Variants in RBBP4 observed in about 807,000 individuals in gnomAD.
RBBP4 encodes histone-binding protein RBBP4.
A neutral mutation model predicts 57.2 loss-of-function variants in RBBP4; 3 were observed. The observed-to-expected ratio is 0.05, with a 90% CI of 0.02 to 0.14. The LOEUF is 0.14. RBBP4 is among the 10% of genes least tolerant of loss of function. The pLI, the probability that RBBP4 is intolerant of heterozygous loss-of-function variation, is 1.00. For missense variants in RBBP4, 107 were observed against 520.6 expected, an observed-to-expected ratio of 0.21 and a Z score of 7.73; for synonymous variants, 151 against 171.5, an observed-to-expected ratio of 0.88 and a Z score of 0.93.
intron 3 of RBBP4, among the ~76,000 whole-genome samples, chr1:32,662,981 T>A (rs920113330): frequency 2.0e-5 from 3 of 151,860 alleles, no homozygotes; most frequent in Non-Finnish European, 4.4e-5. Context: ...GCAAGACTCG[T>A]CTCAAAAAAA....
intron 3 of RBBP4, among the ~76,000 whole-genome samples, chr1:32,661,585 G>C (rs377484282): frequency 7.9e-5 from 12 of 151,900 alleles, no homozygotes; most frequent in African/African-American, 2.4e-4. Flanking sequence ...TGACCACCAT[G>C]CCTGGCCCTG....
At chr1:32,679,536 C>A in intron 11 of RBBP4, 104 bp from the exon 12 acceptor site, 1 of 1,032,074 alleles carries the variant, frequency 9.7e-7, no homozygotes, top group Non-Finnish European at 1.4e-6. Flanking sequence ...GGCCCAAAAG[C>A]TATAAAGTAT....
chr1:32,668,614 A>G (rs1557857489), intron 4 of RBBP4, 125 bp from the exon 5 acceptor site: 1 of 865,764 alleles, frequency 1.2e-6, no homozygotes, highest in Non-Finnish European at 1.8e-6. Context: ...CTATTTGATC[A>G]TAACGGTTCC....
At chr1:32,662,026 C>T (rs1325944834) in intron 3 of RBBP4, among the ~76,000 whole-genome samples, 2 of 150,838 alleles carry the variant, frequency 1.3e-5, no homozygotes, top group African/African-American at 4.9e-5. Flanking sequence ...GCTGGGACTA[C>T]AGGTCTGTGC....
intron 2 of RBBP4, among the ~76,000 whole-genome samples, chr1:32,653,651 T>TTTTG (rs1648001022): frequency 2.6e-5 from 1 of 37,784 alleles, no homozygotes; most frequent in African/African-American, 9.9e-5. Flanking sequence ...TTTTTTTTTT[T>TTTTG]TTTTTTTTGT....
At chr1:32,659,484 C>T (rs1426328870) in intron 3 of RBBP4, among the ~76,000 whole-genome samples, 1 of 148,564 alleles carries the variant, frequency 6.7e-6, no homozygotes, top group South Asian at 2.1e-4. Flanking sequence ...CACTTGAACC[C>T]GGGAGGCAGA....
chr1:32,660,427 T>TCTTTATTTATTTA (rs1553194489), intron 3 of RBBP4, among the ~76,000 whole-genome samples: 1 of 150,658 alleles, frequency 6.6e-6, no homozygotes, highest in Admixed American at 6.6e-5. Flanking sequence ...TATTTATTTA[T>TCTTTATTTATTTA]TTTTTTTGAG....
intron 3 of RBBP4, among the ~76,000 whole-genome samples, chr1:32,658,989 ATATT>A (rs202203452): frequency 0.039 from 5,706 of 148,158 alleles, 222 homozygotes; most frequent in East Asian, 0.11. Context: ...ATGCGTGTAT[ATATT>A]GTGTGTAAAA....
At position 32,651,267 on chromosome 1, in the gene RBBP4, A is replaced by G. The variant is rs971294145; in HGVS notation, c.-40A>G. On this transcript the variant is annotated 5_prime_UTR_variant, in exon 1 of 12. Coordinates refer to ENST00000373493, the MANE Select transcript of RBBP4 (RefSeq NM_005610.3). Reference sequence around the variant, plus strand: ...CTTGCAGCCTCCCCGCCCCTCCCGCAACGCTCGACCCCAGGATTCCCCCGG... The same window carrying G: ...CTTGCAGCCTCCCCGCCCCTCCCGCGACGCTCGACCCCAGGATTCCCCCGG... The G allele has an allele frequency of 1.3e-6, 2 of 1,507,150 alleles. No individual in the cohort carries two copies. The highest frequency in any genetic ancestry group is 2.5e-5 in the South Asian group (2 of 81,018). 93.4% of individuals were successfully genotyped at this position (1,507,150 alleles called of 1,614,324 possible). A position where few individuals can be genotyped will look rare whatever the true frequency, so the allele number is the denominator to read the frequency against.
chr1:32,654,373 G>A (rs1648043350), intron 2 of RBBP4, among the ~76,000 whole-genome samples: 2 of 152,132 alleles, frequency 1.3e-5, no homozygotes, highest in Admixed American at 1.3e-4. Context: ...TTGCCACCCT[G>A]TCTCAAAGAA....
At position 32,681,784 on chromosome 1, in the gene RBBP4, G is replaced by A. The variant is rs768823697; in HGVS notation, c.*2079G>A. On this transcript the variant is annotated 3_prime_UTR_variant, in exon 12 of 12. Transcript: ENST00000373493. ...CTGGTTGGAAGAGTACATCCAAAGG[G>A]TACTTAGTGATCCTTTGCTAAGAAG... 2 of 1,613,502 alleles carry A rather than the reference G, an allele frequency of 1.2e-6. No individual in the cohort carries two copies. The highest frequency in any genetic ancestry group is 8.5e-7 in the Non-Finnish European group (1 of 1,179,590).
At chr1:32,673,922 C>T (rs1557859925) in intron 11 of RBBP4, among the ~76,000 whole-genome samples, 1 of 151,838 alleles carries the variant, frequency 6.6e-6, no homozygotes, top group Non-Finnish European at 1.5e-5. Flanking sequence ...CACAGTGAAA[C>T]CCCATCTGTA....
intron 11 of RBBP4, among the ~76,000 whole-genome samples, chr1:32,673,864 C>T (rs1447676365): frequency 2.0e-5 from 3 of 152,136 alleles, no homozygotes; most frequent in East Asian, 1.9e-4. Flanking sequence ...TCTGGGAGGC[C>T]GAGGCGGGTG....
Position 32,673,727 on chromosome 1 carries a change from C to T in RBBP4, c.1212+826C>T, listed in dbSNP as rs577060612. The stretch of plus-strand genomic sequence containing the variant: ...CTGGGATTGCAGGCATGAGCCACCG[C>T]GCCTGGCCTCTTAAATTTTCAAAGC... On this transcript the variant is annotated intron_variant, in intron 11 of 11. Transcript: ENST00000373493. The T allele has an allele frequency of 4.6e-5, 8 of 175,642 alleles. No individual in the cohort carries two copies. In the East Asian group the frequency reaches 7.5e-4, roughly 16 times the overall value. 10.9% of individuals were successfully genotyped at this position (175,642 alleles called of 1,614,324 possible). A position where few individuals can be genotyped will look rare whatever the true frequency, so the allele number is the denominator to read the frequency against.
chr1:32,668,110 A>G (rs763670518), intron 3 of RBBP4, 115 bp from the exon 4 acceptor site: 15 of 912,120 alleles, frequency 1.6e-5, no homozygotes, highest in Non-Finnish European at 2.3e-5. Context: ...GATTACATCT[A>G]GTATTATGCC....
chr1:32,671,398 C>T (rs1225471552), intron 8 of RBBP4, among the ~76,000 whole-genome samples: 2 of 152,132 alleles, frequency 1.3e-5, no homozygotes, highest in Non-Finnish European at 2.9e-5. Context: ...CCCTGACCAA[C>T]ATGGTGAAAC....
chr1:32,655,521 G>C (rs1648102578), intron 2 of RBBP4, among the ~76,000 whole-genome samples: 1 of 151,992 alleles, frequency 6.6e-6, no homozygotes, highest in African/African-American at 2.4e-5. Context: ...TTTCTTTTCA[G>C]TGTAATGTAG....
chr1:32,673,760 T>A (rs1189587494), intron 11 of RBBP4, among the ~76,000 whole-genome samples: 1 of 152,112 alleles, frequency 6.6e-6, no homozygotes, highest in Non-Finnish European at 1.5e-5. Context: ...AGCACTTCAA[T>A]TTAATAAAAA....
chr1:32,651,563 C>T, intron 1 of RBBP4: 4 of 1,096,300 alleles, frequency 3.6e-6, no homozygotes, highest in Non-Finnish European at 4.9e-6. Context: ...TCTCTTCCTG[C>T]CTCCGATATC....
Sources: allele counts gnomAD v4.1 joint callset (sites outside exome capture counted in the v4.1 genomes callset), GRCh38; gene constraint gnomAD v4.1.1; transcripts MANE v1.5; gene names NCBI Gene and HGNC (gene_info 2026-07-23, HGNC 2026-07-21).